The following FAM163A variants were observed in gnomAD, a reference collection of about 807,000 sequenced individuals.
The protein encoded by FAM163A is family with sequence similarity 163 member A, also known as protein FAM163A.
In FAM163A, 7 loss-of-function variants were observed where a neutral mutation model predicts 12.0. The observed-to-expected ratio is 0.58, with a 90% CI of 0.33 to 1.10. The LOEUF is 1.10. Among genes scored for constraint, FAM163A ranks in the 50% least tolerant of loss-of-function variants. FAM163A has a pLI of 0.03. For missense variants in FAM163A, 202 were observed against 218.6 expected (o/e 0.92, Z 0.48); for synonymous variants, 101 against 91.0 (o/e 1.11, Z -0.62).
intron 1 of FAM163A, among the ~76,000 whole-genome samples, chr1:179,744,034 C>T (rs991467343): frequency 6.6e-6 from 1 of 152,150 alleles, no homozygotes; most frequent in African/African-American, 2.4e-5. Context: ...GCCTTGAGAC[C>T]GGGGCTCGGT....
chr1:179,776,746 A>G (rs1174874302), intron 1 of FAM163A, among the ~76,000 whole-genome samples: 1 of 152,218 alleles, frequency 6.6e-6, no homozygotes, highest in African/African-American at 2.4e-5. Flanking sequence ...TGTTTAATGT[A>G]TCGAAGTGAA....
chr1:179,807,358 G>C (rs527300368), intron 1 of FAM163A, among the ~76,000 whole-genome samples: 34 of 152,278 alleles, frequency 2.2e-4, no homozygotes, highest in Admixed American at 2.0e-3. Context: ...AATAGGCCCG[G>C]GAAACCGTGG....
At chr1:179,801,008 G>A (rs1490035824) in intron 1 of FAM163A, among the ~76,000 whole-genome samples, 1 of 152,108 alleles carries the variant, frequency 6.6e-6, no homozygotes, top group Non-Finnish European at 1.5e-5. Flanking sequence ...CCCAAACTCT[G>A]TTCTGAGGAC....
intron 1 of FAM163A, among the ~76,000 whole-genome samples, chr1:179,751,506 AG>A (rs1685267494): frequency 6.6e-6 from 1 of 152,210 alleles, no homozygotes; most frequent in Non-Finnish European, 1.5e-5. Context: ...AGTGACGTGG[AG>A]GGCAAAAGCC....
intron 1 of FAM163A, among the ~76,000 whole-genome samples, chr1:179,753,437 A>C (rs1474292159): frequency 1.3e-5 from 2 of 152,212 alleles, no homozygotes; most frequent in African/African-American, 4.8e-5. Context: ...GTCTCATGTT[A>C]AGTATTCTTA....
intron 1 of FAM163A, among the ~76,000 whole-genome samples, chr1:179,772,391 A>G (rs1002482836): frequency 1.3e-5 from 2 of 152,078 alleles, no homozygotes; most frequent in East Asian, 1.9e-4. Context: ...TTCAGTCTTT[A>G]TGTCTCCAGA....
rs1692269892 is a variant in FAM163A, at chr1:179,796,104, AC to A, written c.-135-11690del. Among the ~76,000 whole-genome samples the A allele has an allele frequency of 2.0e-5, 3 of 150,918 alleles. No individual in the cohort carries two copies. In the Admixed American group the frequency reaches 2.0e-4, roughly 10 times the overall value. ...CCCTGATATCTGACGAAAGCTATGT[AC>A]CCCTTCTCCAGAGAAACATTCAATA... On this transcript the variant is annotated intron_variant, in intron 1 of 4. Transcript: ENST00000341785.
chr1:179,734,168 T>C, the FAM163A span, among the ~76,000 whole-genome samples: 1 of 152,328 alleles, frequency 6.6e-6, no homozygotes, highest in East Asian at 1.9e-4. Flanking sequence ...TCAGCTCAAA[T>C]GTTGCACTCA....
At chr1:179,749,838 A>G (rs1443405175) in intron 1 of FAM163A, among the ~76,000 whole-genome samples, 1 of 151,660 alleles carries the variant, frequency 6.6e-6, no homozygotes, top group Non-Finnish European at 1.5e-5. Flanking sequence ...CAGCCTGGGC[A>G]ACAGAGTGAA....
Position 179,756,524 on chromosome 1 carries a change from G to T in FAM163A, c.-136+13101G>T, listed in dbSNP as rs541252210. Among the ~76,000 whole-genome samples, 14 of 152,344 alleles carry T rather than the reference G, an allele frequency of 9.2e-5. No homozygotes were observed. In the South Asian group the frequency reaches 2.9e-3, roughly 32 times the overall value. On this transcript the variant is annotated intron_variant, in intron 1 of 4. Coordinates refer to ENST00000341785, the MANE Select transcript of FAM163A (RefSeq NM_173509.3). ...AGGAGGAAAAGTACTCTGGGGGAAA[G>T]AGCAGGTAAATGCAAAGATCTGTTT... is the stretch of plus-strand genomic sequence containing the variant.
chr1:179,738,911 T>G (rs1351993501), upstream of FAM163A, among the ~76,000 whole-genome samples: 1 of 152,216 alleles, frequency 6.6e-6, no homozygotes, highest in African/African-American at 2.4e-5. Context: ...CTACCCAGTT[T>G]CAAGATTTAT....
At chr1:179,788,552 G>A (rs1475608264) in intron 1 of FAM163A, among the ~76,000 whole-genome samples, 1 of 152,124 alleles carries the variant, frequency 6.6e-6, no homozygotes, top group Admixed American at 6.5e-5. Context: ...GGAGCTTTCG[G>A]GTTTGCGGAT....
At chr1:179,736,353 A>G in the FAM163A span, among the ~76,000 whole-genome samples, 2 of 152,194 alleles carry the variant, frequency 1.3e-5, no homozygotes, top group Non-Finnish European at 2.9e-5. Flanking sequence ...TAACCCAACT[A>G]AAAATGGACA....
At chr1:179,809,743 C>T (rs1297412893) in intron 2 of FAM163A, among the ~76,000 whole-genome samples, 1 of 152,170 alleles carries the variant, frequency 6.6e-6, no homozygotes, top group African/African-American at 2.4e-5. Flanking sequence ...TGCTGCCTCC[C>T]CAGCTTCAGG....
intron 1 of FAM163A, among the ~76,000 whole-genome samples, chr1:179,748,116 T>G (rs1018691564): frequency 2.0e-5 from 3 of 152,170 alleles, no homozygotes; most frequent in African/African-American, 7.2e-5. Context: ...CCCAAGTCTG[T>G]GCTGGGAGTC....
chr1:179,793,504 T>G (rs1691819088), intron 1 of FAM163A, among the ~76,000 whole-genome samples: 1 of 152,198 alleles, frequency 6.6e-6, no homozygotes, highest in South Asian at 2.1e-4. Flanking sequence ...GCGTACGTGC[T>G]CATGCAGGGA....
chr1:179,747,810 T>C (rs1345732221), intron 1 of FAM163A, among the ~76,000 whole-genome samples: 1 of 152,154 alleles, frequency 6.6e-6, no homozygotes, highest in Non-Finnish European at 1.5e-5. Context: ...ATGGATAGAT[T>C]TGTACAAGGC....
chr1:179,777,486 C>T (rs1190843956), intron 1 of FAM163A, among the ~76,000 whole-genome samples: 1 of 152,126 alleles, frequency 6.6e-6, no homozygotes, highest in Non-Finnish European at 1.5e-5. Context: ...CCCCCACAGA[C>T]CCGAAGAGCC....
At chr1:179,781,364 C>A (rs2148179353) in intron 1 of FAM163A, among the ~76,000 whole-genome samples, 1 of 152,086 alleles carries the variant, frequency 6.6e-6, no homozygotes, top group East Asian at 1.9e-4. Flanking sequence ...AGGCATGATT[C>A]CACTTCTCTC....
Sources: gnomAD v4.1 joint callset for allele counts (sites outside exome capture counted in the v4.1 genomes callset) on GRCh38, gnomAD v4.1.1 for gene constraint, MANE v1.5 for transcripts, NCBI Gene and HGNC (gene_info 2026-07-23, HGNC 2026-07-21) for gene names.